The following DCAF5 variants were observed in gnomAD, a reference collection of about 807,000 sequenced individuals.
DCAF5 encodes the protein DDB1 and CUL4 associated factor 5.
DCAF5 carries 9 observed loss-of-function variants against 80.7 expected under a neutral mutation model. That is an observed-to-expected ratio of 0.11 (90% confidence interval 0.07 to 0.19). DCAF5 has a LOEUF of 0.19. Among genes scored for constraint, DCAF5 ranks in the 10% least tolerant of loss-of-function variants. The probability of loss-of-function intolerance (pLI) is 1.00; values close to 1 mark genes in which losing one functional copy is unlikely to be tolerated. For synonymous variants in DCAF5, 433 were observed against 461.9 expected (o/e 0.94, Z 0.80); for missense variants, 842 against 1,205.7 (o/e 0.70, Z 4.47).
rs2037905158 is a variant in DCAF5, at chr14:69,055,058, T to C, written c.1628A>G (p.Asp543Gly). The C allele has an allele frequency of 6.2e-7, 1 of 1,614,196 alleles. No homozygotes were observed. The highest frequency in any genetic ancestry group is 2.2e-5 in the East Asian group (1 of 44,886). Residue 543 changes from aspartate (D) to glycine (G), a missense_variant, in exon 9 of 9, where the codon GAC becomes GGC. Asp to Gly is a moderately conservative substitution (Grantham distance 94). Around this residue, in one of 5 missense-constraint regions of DCAF5, gnomAD observed 607 missense variants for 656.6 expected, o/e 0.92. Transcript: ENST00000341516. This position sits in a 1 kb window ranked among gnomAD's most constrained non-coding sequence, Gnocchi z 5.6. ...SEENVCEVEL[D>G]TDLFPRPRSP... The stretch of plus-strand genomic sequence containing the variant: ...CCGTGGCCGGGGAAAGAGATCTGTG[T>C]CTAGTTCCACCTCACAGACATTCTC...
At chr14:69,068,646 C>T (rs971019594) in intron 7 of DCAF5, among the ~76,000 whole-genome samples, 3 of 145,836 alleles carry the variant, frequency 2.1e-5, no homozygotes, top group South Asian at 2.1e-4. Context: ...TGCGGTGAGC[C>T]GAGATCATGC....
chr14:69,132,859 G>A (rs1439548452), intron 1 of DCAF5, among the ~76,000 whole-genome samples: 1 of 152,192 alleles, frequency 6.6e-6, no homozygotes, highest in Admixed American at 6.5e-5. Context: ...CTTATTAGCT[G>A]TGTGCCTTTA....
intron 1 of DCAF5, among the ~76,000 whole-genome samples, chr14:69,134,754 A>G (rs1209550670): frequency 2.6e-5 from 4 of 152,236 alleles, no homozygotes; most frequent in Middle Eastern, 3.2e-3. Context: ...GATGATGCCA[A>G]TATTCTGACT....
intron 1 of DCAF5, among the ~76,000 whole-genome samples, chr14:69,143,636 C>T (rs2041444781): frequency 1.4e-5 from 2 of 144,912 alleles, no homozygotes; most frequent in African/African-American, 5.2e-5. Flanking sequence ...TTGGTAGGCG[C>T]CGGGGAGTGC....
rs995369890 is a variant in DCAF5, at chr14:69,118,095, A to T, written c.535+44T>A. The T allele has an allele frequency of 6.2e-7, 1 of 1,607,276 alleles. No individual in the cohort carries two copies. Among genetic ancestry groups the T allele is most frequent in the Admixed American group, 1.7e-5 (1 of 59,718 alleles). ...TGGATCTTCAATGAATCTGACATCA[A>T]ACTGTTCAACACAGTCCAACAGTCA... On this transcript the variant is annotated intron_variant, in intron 4 of 8. Coordinates refer to ENST00000341516, the MANE Select transcript of DCAF5 (RefSeq NM_003861.3). The surrounding 1 kb of genome is among the most constrained non-coding windows in gnomAD (Gnocchi z 4.0).
At chr14:69,083,247 C>T (rs11158782) in intron 6 of DCAF5, among the ~76,000 whole-genome samples, 46,255 of 152,042 alleles carry the variant, frequency 0.3, 9,361 homozygotes, top group East Asian at 0.9. Context: ...TAGATGTGTA[C>T]ATTTTTCTGA....
At chr14:69,079,906 G>A (rs1025444198) in intron 6 of DCAF5, among the ~76,000 whole-genome samples, 5 of 152,128 alleles carry the variant, frequency 3.3e-5, no homozygotes, top group African/African-American at 9.7e-5. Flanking sequence ...GCAGGTTAGC[G>A]CATATAGGGA....
intron 1 of DCAF5, among the ~76,000 whole-genome samples, chr14:69,146,606 G>A (rs1300151238): frequency 1.3e-5 from 2 of 152,150 alleles, no homozygotes; most frequent in African/African-American, 4.8e-5. Context: ...ATAAGGTAGA[G>A]GGGATATCTT....
chr14:69,106,503 G>A (rs1418199565), intron 5 of DCAF5, among the ~76,000 whole-genome samples: 1 of 151,960 alleles, frequency 6.6e-6, no homozygotes, highest in Non-Finnish European at 1.5e-5. Context: ...CCAGTATCTA[G>A]GACTGCAGAC....
At chr14:69,087,315 A>G (rs952326042) in intron 6 of DCAF5, among the ~76,000 whole-genome samples, 28 of 152,226 alleles carry the variant, frequency 1.8e-4, no homozygotes, top group African/African-American at 6.5e-4. Flanking sequence ...GAATGTACCC[A>G]GTCAGGCTTC....
Position 69,053,861 on chromosome 14 carries a change from G to A in DCAF5, c.2825C>T (p.Thr942Ile). 6.3e-7 allele frequency: 1 copy of A among 1,583,854 alleles called. No individual in the cohort carries two copies. The change falls in exon 9 of 9, where the codon ACA becomes ATA. Residue 942 changes from threonine to isoleucine, a missense_variant. Physicochemically the swap from Thr to Ile is moderately conservative, Grantham distance 89. Around this residue, in one of 5 missense-constraint regions of DCAF5, gnomAD observed 607 missense variants for 656.6 expected, o/e 0.92. Transcript: ENST00000341516. The stretch of plus-strand genomic sequence containing the variant: ...TTTGTTTTCCCTTTGTATTTATCAT[G>A]TTTTTAATTTCTTCTCTGAGGAGGA... Reference protein sequence around the residue: ...ENSSSEKKLKT With the variant: ...ENSSSEKKLKI
chr14:69,067,337 CT>C (rs58620965), intron 7 of DCAF5, among the ~76,000 whole-genome samples: 9,325 of 113,798 alleles, frequency 0.082, 116 homozygotes, highest in Middle Eastern at 0.13. Flanking sequence ...GATTTCGTAT[CT>C]TTTTTTTTTT....
At chr14:69,117,675 A>G (rs2040583825) in intron 4 of DCAF5, among the ~76,000 whole-genome samples, 1 of 152,234 alleles carries the variant, frequency 6.6e-6, no homozygotes, top group South Asian at 2.1e-4. Flanking sequence ...GCACATTCAG[A>G]GGAGGCACTC....
chr14:69,125,716 T>A (rs1375386448), intron 1 of DCAF5, among the ~76,000 whole-genome samples: 1 of 152,126 alleles, frequency 6.6e-6, no homozygotes, highest in Non-Finnish European at 1.5e-5. Context: ...AGGTGGAGTC[T>A]AAACACAATG....
intron 5 of DCAF5, among the ~76,000 whole-genome samples, chr14:69,099,298 AC>A (rs1182858165): frequency 1.4e-5 from 2 of 147,978 alleles, no homozygotes; most frequent in Admixed American, 6.8e-5. Context: ...ACACACACAC[AC>A]AACTAACAAA....
At position 69,082,010 on chromosome 14, in the gene DCAF5, C is replaced by A. The variant is rs2039124391; in HGVS notation, c.880-6599G>T. On this transcript the variant is annotated intron_variant, in intron 6 of 8. Coordinates refer to ENST00000341516, the MANE Select transcript of DCAF5 (RefSeq NM_003861.3). Reference sequence around the variant, plus strand: ...GCTCGCTAGCCTGGATCAGTAACAGCAGAGAGACTGCTATTTAAATTTAAA... The same window carrying A: ...GCTCGCTAGCCTGGATCAGTAACAGAAGAGAGACTGCTATTTAAATTTAAA... 2.0e-5 allele frequency among the ~76,000 whole-genome samples: 3 copies of A among 152,198 alleles called. No individual in the cohort carries two copies. In the South Asian group the frequency reaches 6.2e-4, roughly 31 times the overall value.
rs1420692840 is a variant in DCAF5 at position 69,051,286 on chromosome 14, G to A, written c.*2571C>T. Reference sequence around the variant, plus strand: ...TCCTGCTATTAAAAATATCTATTATGGAAGAAATTGGGTATTAAATGTGCC... The same window carrying A: ...TCCTGCTATTAAAAATATCTATTATAGAAGAAATTGGGTATTAAATGTGCC... On this transcript the variant is annotated 3_prime_UTR_variant, in exon 9 of 9. Transcript: ENST00000341516. 6.6e-6 allele frequency: 1 copy of A among 152,622 alleles called. No individual in the cohort carries two copies. The highest frequency in any genetic ancestry group is 1.5e-5 in the Non-Finnish European group (1 of 68,048). The allele number at this position is 152,622 out of a possible 1,614,324, so 9.5% of individuals were successfully genotyped here.
chr14:69,139,917 G>A, intron 1 of DCAF5, among the ~76,000 whole-genome samples: 1 of 150,694 alleles, frequency 6.6e-6, no homozygotes, highest in Non-Finnish European at 1.5e-5. Flanking sequence ...GAAAGAGAAG[G>A]AAGGAAAGAA....
At position 69,053,863 on chromosome 14, in the gene DCAF5, T is replaced by A; in HGVS notation, c.2823A>T (p.Lys941Asn). The A allele has an allele frequency of 1.3e-6, 2 of 1,596,468 alleles. No individual in the cohort carries two copies. The highest frequency in any genetic ancestry group is 1.7e-6 in the Non-Finnish European group (2 of 1,176,024). Residue 941 changes from lysine (K) to asparagine (N), a missense_variant, in exon 9 of 9, where the codon AAA becomes AAT. Transcript: ENST00000341516. ...SENSSSEKKLKT is the reference protein window; with the variant it reads ...SENSSSEKKLNT Reference sequence around the variant, plus strand: ...TGTTTTCCCTTTGTATTTATCATGTTTTTAATTTCTTCTCTGAGGAGGAAT... The same window carrying A: ...TGTTTTCCCTTTGTATTTATCATGTATTTAATTTCTTCTCTGAGGAGGAAT...
Sources: allele counts gnomAD v4.1 joint callset (sites outside exome capture counted in the v4.1 genomes callset), GRCh38; gene constraint gnomAD v4.1.1; regional missense constraint gnomAD v4.1.1; non-coding constraint Gnocchi (gnomAD v3.1); transcripts MANE v1.5; gene names NCBI Gene and HGNC (gene_info 2026-07-23, HGNC 2026-07-21).